Variants in CRB1 observed in about 807,000 individuals in gnomAD.
The protein encoded by CRB1 is crumbs cell polarity complex component 1.
A neutral mutation model predicts 120.0 loss-of-function variants in CRB1; 83 were observed. The observed-to-expected ratio is 0.69, with a 90% CI of 0.58 to 0.83. The LOEUF is 0.83. CRB1 is among the 40% of genes least tolerant of loss of function. The pLI, the probability that CRB1 is intolerant of heterozygous loss-of-function variation, is 0.00. For missense variants in CRB1, 1,699 were observed against 1,687.6 expected (o/e 1.01, Z -0.12); for synonymous variants, 625 against 612.5 (o/e 1.02, Z -0.30).
chr1:197,453,918 TG>T (rs1304715818), intron 11 of CRB1, among the ~76,000 whole-genome samples: 1 of 36,090 alleles, frequency 2.8e-5, no homozygotes, highest in Non-Finnish European at 6.0e-5. Flanking sequence ...TATATATTAT[TG>T]ATATTATTAT....
rs62636281 is a variant in CRB1 at position 197,442,236 on chromosome 1, A to C, written c.3949A>C (p.Asn1317His). Reference protein sequence around the residue: ...VNGGLCQDLLNKFQCLCDVAF... With the variant: ...VNGGLCQDLLHKFQCLCDVAF... ...TGGAGGTCTGTGCCAGGACTTACTC[A>C]ACAAATTCCAGTGCCTCTGTGATGT... Residue 1317 changes from asparagine (N) to histidine (H), a missense_variant, in exon 11 of 12, where the codon AAC (asparagine) becomes CAC (histidine). Physicochemically the swap from Asn to His is moderately conservative, Grantham distance 68. Coordinates refer to ENST00000367400, the MANE Select transcript of CRB1 (RefSeq NM_201253.3). 1.9e-6 allele frequency: 3 copies of C among 1,614,060 alleles called. No homozygotes were observed. Among genetic ancestry groups the C allele is most frequent in the Non-Finnish European group, 2.5e-6 (3 of 1,180,038 alleles).
intron 1 of CRB1, among the ~76,000 whole-genome samples, chr1:197,272,944 ACT>A (rs1367727962): frequency 6.6e-6 from 1 of 152,184 alleles, no homozygotes; most frequent in Non-Finnish European, 1.5e-5. Context: ...AGTAATTCAG[ACT>A]CTGACTCAAC....
chr1:197,443,934 T>G (rs1449797596), intron 11 of CRB1: 1 of 152,174 alleles, frequency 6.6e-6, no homozygotes. Flanking sequence ...AATAGTTTGA[T>G]CCTATGAATT....
chr1:197,314,707 T>G (rs1657743412), intron 1 of CRB1, among the ~76,000 whole-genome samples: 1 of 152,224 alleles, frequency 6.6e-6, no homozygotes, highest in Non-Finnish European at 1.5e-5. Flanking sequence ...GTATGGCATC[T>G]TTCTTTCTGT....
intron 2 of CRB1, among the ~76,000 whole-genome samples, chr1:197,340,541 A>G (rs1202861039): frequency 6.6e-6 from 1 of 152,162 alleles, no homozygotes; most frequent in East Asian, 1.9e-4. Context: ...AGAGAAGTCA[A>G]TAATAGTGAG....
chr1:197,462,888 C>CTT (rs66833712), intron 11 of CRB1, among the ~76,000 whole-genome samples: 139 of 147,394 alleles, frequency 9.4e-4, no homozygotes, highest in East Asian at 1.4e-3. Context: ...CAATGCAGAT[C>CTT]TTTTTTTTTT....
At chr1:197,265,376 CCCTT>C (rs370982058), upstream of CRB1, among the ~76,000 whole-genome samples, 47 of 149,826 alleles carry the variant, frequency 3.1e-4, no homozygotes, top group East Asian at 4.1e-3. Flanking sequence ...CTTTTGTCCT[CCCTT>C]CCTTCATTTT....
intron 1 of CRB1, among the ~76,000 whole-genome samples, chr1:197,327,964 T>G (rs1658616189): frequency 6.6e-6 from 1 of 152,194 alleles, no homozygotes; most frequent in Non-Finnish European, 1.5e-5. Flanking sequence ...GTGGTAGAAT[T>G]TCTTAAAACA....
chr1:197,472,415 T>C (rs1667022234), intron 11 of CRB1, among the ~76,000 whole-genome samples: 1 of 152,306 alleles, frequency 6.6e-6, no homozygotes, highest in East Asian at 1.9e-4. Context: ...TGGGGGCTGA[T>C]GGTTGCAGCA....
intron 5 of CRB1, among the ~76,000 whole-genome samples, chr1:197,363,409 G>T (rs774359094): frequency 6.6e-6 from 1 of 151,508 alleles, no homozygotes. Flanking sequence ...AATTTCTTTT[G>T]GTTTTCCTTT....
At chr1:197,476,395 T>TGCGC (rs1435419550) in intron 11 of CRB1, among the ~76,000 whole-genome samples, 1 of 142,228 alleles carries the variant, frequency 7.0e-6, no homozygotes, top group Non-Finnish European at 1.6e-5. Flanking sequence ...TGTGTGTGTG[T>TGCGC]GTGCGCGTCT....
chr1:197,454,324 TAA>T (rs1666177317), intron 11 of CRB1, among the ~76,000 whole-genome samples: 1 of 152,060 alleles, frequency 6.6e-6, no homozygotes. Context: ...GAAAAATAAA[TAA>T]AATAAGAAAT....
At chr1:197,299,586 A>G (rs1409141329) in intron 1 of CRB1, among the ~76,000 whole-genome samples, 1 of 152,188 alleles carries the variant, frequency 6.6e-6, no homozygotes, top group African/African-American at 2.4e-5. Flanking sequence ...TACAGCAAAA[A>G]ACTTGAAAAA....
chr1:197,321,443 T>C (rs1007874827), intron 1 of CRB1, among the ~76,000 whole-genome samples: 3 of 152,234 alleles, frequency 2.0e-5, no homozygotes, highest in African/African-American at 7.2e-5. Flanking sequence ...TTGAGTCACC[T>C]GACAGAAACA....
At chr1:197,372,831 A>G (rs1331757400) in intron 5 of CRB1, among the ~76,000 whole-genome samples, 2 of 152,106 alleles carry the variant, frequency 1.3e-5, no homozygotes, top group African/African-American at 4.8e-5. Context: ...AGCTATGGTG[A>G]AGTAGTTTAG....
the CRB1 span, among the ~76,000 whole-genome samples, chr1:197,210,219 T>G: frequency 6.6e-6 from 1 of 152,222 alleles, no homozygotes; most frequent in Non-Finnish European, 1.5e-5. Context: ...TTTGTCAACT[T>G]GGCTAGGCTG....
In CRB1 at chr1:197,268,390, G is replaced by C. The variant is rs750779192; in HGVS notation, c.-23G>C. ...GGACCAGACCACCAGCAACACACCA[G>C]AGGATGTTCTCTAAATAAGACCATG... On this transcript the variant is annotated 5_prime_UTR_variant, in exon 1 of 12. Transcript: ENST00000367400. 1.3e-5 allele frequency: 21 copies of C among 1,576,522 alleles called. No individual in the cohort carries two copies. The East Asian group carries it at 4.7e-4, about 35-fold the overall frequency.
intron 5 of CRB1, among the ~76,000 whole-genome samples, chr1:197,396,019 G>A (rs2494269): frequency 0.84 from 127,759 of 152,092 alleles, 54,031 homozygotes; most frequent in African/African-American, 0.94. Context: ...AAAAGAAATA[G>A]CAGTTACATA....
chr1:197,304,967 G>C lies in CRB1; in HGVS notation c.71-23455G>C, dbSNP rs112911017. 3.1e-3 allele frequency among the ~76,000 whole-genome samples: 472 copies of C among 152,324 alleles called. 1 individual carries two copies. The highest frequency in any genetic ancestry group is 0.011 in the African/African-American group (450 of 41,584). ...TATTCGACAATTCCAGCTTCAGCCT[G>C]AGAGTTCTGTAGTGTTCTGTTAGTC... On this transcript the variant is annotated intron_variant, in intron 1 of 11. Transcript: ENST00000367400.
Sources: allele counts gnomAD v4.1 joint callset (sites outside exome capture counted in the v4.1 genomes callset), GRCh38; gene constraint gnomAD v4.1.1; transcripts MANE v1.5; gene names NCBI Gene and HGNC (gene_info 2026-07-23, HGNC 2026-07-21).